USO1: variants seen among roughly 807,000 people sequenced by gnomAD.
The protein encoded by USO1 is USO1 vesicle transport factor, also known as general vesicular transport factor p115.
Under a neutral mutation model 124.5 loss-of-function variants are expected in USO1, and 57 were observed. The observed-to-expected ratio is 0.46, with a 90% confidence interval of 0.37 to 0.57. The LOEUF (loss-of-function observed/expected upper bound fraction) is 0.57, where lower values mean the gene tolerates loss of function less well. Among genes scored for constraint, USO1 ranks in the 20% least tolerant of loss-of-function variants. The pLI, the probability that USO1 is intolerant of heterozygous loss-of-function variation, is 0.00. For synonymous variants in USO1, 369 were observed against 362.8 expected (o/e 1.02, Z -0.19); for missense variants, 900 against 1,040.6 (o/e 0.86, Z 1.86).
At chr4:75,751,797 ACTC>A (rs1721303633) in intron 1 of USO1, among the ~76,000 whole-genome samples, 1 of 151,370 alleles carries the variant, frequency 6.6e-6, no homozygotes, top group Admixed American at 6.6e-5. Context: ...GCATTGTCGC[ACTC>A]CAGCCTGGGG....
chr4:75,745,786 A>G (rs1447921294), intron 1 of USO1, among the ~76,000 whole-genome samples: 2 of 152,002 alleles, frequency 1.3e-5, no homozygotes, highest in Non-Finnish European at 2.9e-5. Context: ...TGTAATCCCA[A>G]CTACTCAGGA....
At chr4:75,786,290 A>G (rs1424005843) in intron 9 of USO1, among the ~76,000 whole-genome samples, 1 of 152,150 alleles carries the variant, frequency 6.6e-6, no homozygotes, top group Non-Finnish European at 1.5e-5. Context: ...ACTTCTGTGT[A>G]TCTCCTATAA....
intron 7 of USO1, 43 bp from the exon 8 acceptor site, chr4:75,774,633 A>G (rs1269731588): frequency 1.3e-6 from 2 of 1,542,536 alleles, no homozygotes; most frequent in Non-Finnish European, 1.7e-6. Flanking sequence ...AAAATGTCTC[A>G]TAAATTTTGT....
intron 21 of USO1, among the ~76,000 whole-genome samples, chr4:75,810,208 T>C (rs1407183686): frequency 6.6e-6 from 1 of 152,230 alleles, no homozygotes; most frequent in Non-Finnish European, 1.5e-5. Flanking sequence ...TGAGGCACCT[T>C]AGCCCAGCCT....
At chr4:75,790,831 A>G (rs756665855) in intron 12 of USO1, 34 bp downstream of exon 12, 41 of 1,517,518 alleles carry the variant, frequency 2.7e-5, no homozygotes, top group Non-Finnish European at 3.6e-5. Flanking sequence ...TATTTGAAAA[A>G]GTAAATCATT....
At chr4:75,790,313 T>C in intron 11 of USO1, 75 bp downstream of exon 11, 2 of 1,484,508 alleles carry the variant, frequency 1.3e-6, no homozygotes, top group East Asian at 2.5e-5. Flanking sequence ...CATATACACA[T>C]CTTACTCTTT....
intron 4 of USO1, among the ~76,000 whole-genome samples, chr4:75,764,007 T>C (rs1721695793): frequency 1.3e-5 from 2 of 152,192 alleles, no homozygotes; most frequent in African/African-American, 2.4e-5. Context: ...GTCTTATGAC[T>C]GTAACTTAAA....
intron 3 of USO1, among the ~76,000 whole-genome samples, chr4:75,754,641 C>G (rs1020177822): frequency 9.2e-5 from 14 of 152,180 alleles, no homozygotes; most frequent in African/African-American, 3.4e-4. Flanking sequence ...CAGTCATGAG[C>G]ATCTTTCCAT....
intron 1 of USO1, among the ~76,000 whole-genome samples, chr4:75,748,211 C>CT (rs71208096): frequency 0.017 from 2,106 of 124,138 alleles, 70 homozygotes; most frequent in African/African-American, 0.054. Context: ...GCTGGTATTT[C>CT]TTTTTTTTTT....
Position 75,800,338 on chromosome 4 carries a change from A to G in USO1, c.1564-13A>G. 1.3e-6 allele frequency: 2 copies of G among 1,569,080 alleles called. No individual in the cohort carries two copies. Among genetic ancestry groups the G allele is most frequent in the Non-Finnish European group, 8.6e-7 (1 of 1,156,712 alleles). On this transcript the variant is annotated splice_polypyrimidine_tract_variant and intron_variant, in intron 14 of 23. Transcript: ENST00000514213. ...ATATTTTCAATCCTTAGCCTCCTTA[A>G]CAAAGATTTCAGCTTACAGGACAAA...
At chr4:75,799,509 C>T in intron 13 of USO1, 113 bp from the exon 14 acceptor site, 14 of 1,218,716 alleles carry the variant, frequency 1.1e-5, no homozygotes, top group Middle Eastern at 2.8e-4. Flanking sequence ...TCTGGCTCAT[C>T]TCTTGTAAGA....
intron 8 of USO1, among the ~76,000 whole-genome samples, chr4:75,780,905 C>T (rs927813321): frequency 6.6e-6 from 1 of 152,002 alleles, no homozygotes; most frequent in Non-Finnish European, 1.5e-5. Flanking sequence ...CCTCAGCCTC[C>T]CAAAGTGCTG....
rs191895150 is a variant in USO1 at position 75,785,824 on chromosome 4, C to T, written c.856-1238C>T. ...TATTTGTGGTACAATTGACATATTG[C>T]GTAGTATTTGTTTTAAATACTCAAA... On this transcript the variant is annotated intron_variant, in intron 9 of 23. Transcript: ENST00000514213. Among the ~76,000 whole-genome samples, 11 of 151,798 alleles carry T rather than the reference C, an allele frequency of 7.2e-5. No homozygotes were observed. In the East Asian group the frequency reaches 1.5e-3, roughly 21 times the overall value.
Position 75,790,177 on chromosome 4 carries a change from C to T in USO1, c.1024C>T (p.Arg342Ter), listed in dbSNP as rs776530788. 3.1e-6 allele frequency: 5 copies of T among 1,603,552 alleles called. No homozygotes were observed. Among genetic ancestry groups the T allele is most frequent in the African/African-American group, 1.3e-5 (1 of 74,726 alleles). The change falls in exon 11 of 24, where the codon CGA (arginine) becomes TGA (stop). Residue 342 changes from arginine (R) to a stop codon, truncating the protein, a stop_gained. Coordinates refer to ENST00000514213, the MANE Select transcript of USO1 (RefSeq NM_003715.4). LOFTEE classifies it high-confidence loss of function. The stretch of plus-strand genomic sequence containing the variant: ...CATAAATACTGTATCAGAAGTTATT[C>T]GAGGCTGCCAAGTAAACCAAGACTA... ...ETINTVSEVI[R>*]GCQVNQDYFA...
In USO1 at chr4:75,762,963, GTTTAATTAACTA is replaced by G. The variant is rs1385610840; in HGVS notation, c.295+5391_295+5402del. Among the ~76,000 whole-genome samples, 4 of 152,248 alleles carry G rather than the reference GTTTAATTAACTA, an allele frequency of 2.6e-5. No individual in the cohort carries two copies. The East Asian group carries it at 7.7e-4, about 29-fold the overall frequency. Reference sequence around the variant, plus strand: ...CAACAAAAAAAGTATACATGTACCTGTTTAATTAACTACCAGTATAAACGAAGATTATTTGAT... The same window carrying G: ...CAACAAAAAAAGTATACATGTACCTGCCAGTATAAACGAAGATTATTTGAT... On this transcript the variant is annotated intron_variant, in intron 4 of 23. Transcript: ENST00000514213.
At chr4:75,787,848 C>G (rs192130233) in intron 10 of USO1, among the ~76,000 whole-genome samples, 156 of 152,166 alleles carry the variant, frequency 1.0e-3, no homozygotes, top group African/African-American at 3.6e-3. Context: ...TGATACCATT[C>G]CTGCTAAGCC....
chr4:75,742,228 TTGTC>T (rs1368522882), intron 1 of USO1, among the ~76,000 whole-genome samples: 2 of 152,206 alleles, frequency 1.3e-5, no homozygotes, highest in African/African-American at 4.8e-5. Flanking sequence ...CTGTACACAA[TTGTC>T]TGTGCCATAC....
intron 8 of USO1, among the ~76,000 whole-genome samples, chr4:75,781,892 G>A (rs1016796516): frequency 6.6e-6 from 1 of 152,184 alleles, no homozygotes; most frequent in Non-Finnish European, 1.5e-5. Flanking sequence ...CAGAAGAAAC[G>A]GAGGCTATTG....
At chr4:75,781,459 T>TA (rs572402685) in intron 8 of USO1, among the ~76,000 whole-genome samples, 31 of 152,332 alleles carry the variant, frequency 2.0e-4, no homozygotes, top group African/African-American at 7.0e-4. Flanking sequence ...CTACTGGAAG[T>TA]AAAATGACTC....
Sources: allele counts gnomAD v4.1 joint callset (sites outside exome capture counted in the v4.1 genomes callset), GRCh38; gene constraint gnomAD v4.1.1; transcripts MANE v1.5; gene names NCBI Gene and HGNC (gene_info 2026-07-23, HGNC 2026-07-21).